The following BPTF variants were observed in gnomAD, a reference collection of about 807,000 sequenced individuals.
The protein encoded by BPTF is bromodomain PHD finger transcription factor.
Under a neutral mutation model 292.5 loss-of-function variants are expected in BPTF, and 18 were observed. The observed-to-expected ratio is 0.06, with a 90% CI of 0.04 to 0.09. The LOEUF is 0.09. BPTF is among the 10% of genes least tolerant of loss of function. The probability of loss-of-function intolerance (pLI) is 1.00; values close to 1 mark genes in which losing one functional copy is unlikely to be tolerated. For missense variants in BPTF, 2,726 were observed against 3,498.7 expected (o/e 0.78, Z 5.57); for synonymous variants, 1,225 against 1,251.9 (o/e 0.98, Z 0.45).
intron 1 of BPTF, among the ~76,000 whole-genome samples, chr17:67,839,662 A>G (rs1334536743): frequency 1.3e-5 from 2 of 152,202 alleles, no homozygotes; most frequent in African/African-American, 2.4e-5. Flanking sequence ...GCAGTCCCTT[A>G]TATGAGTGTA....
chr17:67,877,969 TTATAAA>T (rs1567961621), intron 4 of BPTF, among the ~76,000 whole-genome samples: 1 of 152,162 alleles, frequency 6.6e-6, no homozygotes, highest in Non-Finnish European at 1.5e-5. Flanking sequence ...GCAGTAAAGT[TTATAAA>T]TATTAAGTGA....
intron 1 of BPTF, among the ~76,000 whole-genome samples, chr17:67,839,187 T>TA (rs1567870364): frequency 6.6e-6 from 1 of 151,408 alleles, no homozygotes; most frequent in African/African-American, 2.5e-5. Context: ...AAAGCAATGT[T>TA]AAATGTTAGT....
chr17:67,826,207 CGAG>C lies in BPTF; in HGVS notation c.489_491del (p.Glu163del), dbSNP rs780487984. 4.4e-4 allele frequency: 709 copies of C among 1,612,528 alleles called. 11 individuals are homozygous for C. The Middle Eastern group carries it at 0.024, about 55-fold the overall frequency. On this transcript the variant is annotated inframe_deletion, in exon 1 of 28. Transcript: ENST00000306378. ...AGGAGACCCAGGATTCTGAGGACGA[CGAG>C]GAGGATGAGATGGAAGAGGACGACG... is the stretch of plus-strand genomic sequence containing the variant.
intron 3 of BPTF, among the ~76,000 whole-genome samples, chr17:67,870,522 G>C (rs1041684498): frequency 2.0e-5 from 3 of 151,948 alleles, no homozygotes; most frequent in African/African-American, 7.2e-5. Context: ...ACCTTTATTT[G>C]TTCTCTCTGG....
chr17:67,919,833 A>G (rs566308634), intron 12 of BPTF, among the ~76,000 whole-genome samples, 182 bp from the exon 13 acceptor site: 1 of 152,326 alleles, frequency 6.6e-6, no homozygotes, highest in Admixed American at 6.5e-5. Context: ...GCAGCGAGGA[A>G]GAAGCTCAGT....
chr17:67,880,385 AGTTTT>A (rs1339307344), intron 4 of BPTF, among the ~76,000 whole-genome samples: 2 of 151,664 alleles, frequency 1.3e-5, no homozygotes, highest in Non-Finnish European at 2.9e-5. Flanking sequence ...TTTGTAGTTT[AGTTTT>A]GTTTTTTTAT....
rs2064104608 is a variant in BPTF, at chr17:67,928,509, A to C, written c.5906A>C (p.Lys1969Thr). 6.2e-7 allele frequency: 1 copy of C among 1,614,030 alleles called. No individual in the cohort carries two copies. The highest frequency in any genetic ancestry group is 1.3e-5 in the African/African-American group (1 of 74,914). ...GGAACCAAAATGGTACTAACTACTA[A>C]AGTTGGATCTCCAGCTACAGTAACA... Reference protein sequence around the residue: ...TTGTKMVLTTKVGSPATVTFQ... With the variant: ...TTGTKMVLTTTVGSPATVTFQ... Residue 1969 changes from lysine (K) to threonine (T), a missense_variant, in exon 16 of 28, where the codon AAA (lysine) becomes ACA (threonine). By Grantham distance (78) the Lys-to-Thr change is moderately conservative (BLOSUM62 -1). Coordinates refer to ENST00000306378, the MANE Select transcript of BPTF (RefSeq NM_182641.4).
chr17:67,942,446 A>G (rs1009254132), intron 19 of BPTF, among the ~76,000 whole-genome samples: 4 of 152,216 alleles, frequency 2.6e-5, no homozygotes, highest in Admixed American at 6.5e-5. Context: ...TGCTTAAGAG[A>G]TTGGTACAAA....
chr17:67,913,213 G>A, intron 11 of BPTF, 26 bp downstream of exon 11: 2 of 1,528,796 alleles, frequency 1.3e-6, no homozygotes, highest in Non-Finnish European at 1.8e-6. Context: ...TGTATTTGGG[G>A]GAGGGAGAAA....
chr17:67,948,381 A>G, intron 23 of BPTF, 75 bp downstream of exon 23: 1 of 1,317,208 alleles, frequency 7.6e-7, no homozygotes, highest in Non-Finnish European at 1.0e-6. Flanking sequence ...TTGCCTTTTT[A>G]ATAAAGCTTA....
At position 67,911,162 on chromosome 17, in the gene BPTF, A is replaced by G. The variant is rs34038380; in HGVS notation, c.3278A>G (p.Lys1093Arg). 0.018 allele frequency: 28,504 copies of G among 1,613,914 alleles called. 330 individuals carry two copies. Among genetic ancestry groups the G allele is most frequent in the Non-Finnish European group, 0.02 (23,040 of 1,179,994 alleles). Residue 1093 changes from lysine to arginine, a missense_variant, in exon 11 of 28, where the codon AAG (lysine) becomes AGG (arginine). Physicochemically the swap from Lys to Arg is conservative, Grantham distance 26. Coordinates refer to ENST00000306378, the MANE Select transcript of BPTF (RefSeq NM_182641.4). ...GAGGGTGGAATTAAGGGTATAGGAA[A>G]GACTTCTACAAATTCTTCAAAAAAT... ...KLEGGIKGIGKTSTNSSKNLS... is the reference protein window; with the variant it reads ...KLEGGIKGIGRTSTNSSKNLS...
At chr17:67,917,131 C>CTTTTCCTTTCTTTTTTTTTTTTTT (rs1194058584) in intron 11 of BPTF, among the ~76,000 whole-genome samples, 4 of 105,808 alleles carry the variant, frequency 3.8e-5, no homozygotes, top group African/African-American at 1.4e-4. Flanking sequence ...TGGTATTGTC[C>CTTTTCCTTTCTTTTTTTTTTTTTT]TTTTTTTTTT....
At chr17:67,888,460 T>G (rs151008626) in intron 4 of BPTF, among the ~76,000 whole-genome samples, 1 of 151,772 alleles carries the variant, frequency 6.6e-6, no homozygotes, top group Non-Finnish European at 1.5e-5. Flanking sequence ...CATGGTGGTG[T>G]GTGCCTGTAA....
intron 1 of BPTF, among the ~76,000 whole-genome samples, chr17:67,851,072 G>C (rs2058365705): frequency 6.6e-6 from 1 of 152,136 alleles, no homozygotes. Context: ...TTCATCACCA[G>C]ACTGGGAAGC....
intron 23 of BPTF, among the ~76,000 whole-genome samples, chr17:67,952,087 A>T (rs2148087822): frequency 6.7e-6 from 1 of 149,042 alleles, no homozygotes; most frequent in African/African-American, 2.4e-5. Context: ...ATTATTGCTA[A>T]GGTAATTTGC....
At chr17:67,917,135 T>TCCTTTC (rs1236355074) in intron 11 of BPTF, among the ~76,000 whole-genome samples, 2 of 118,196 alleles carry the variant, frequency 1.7e-5, no homozygotes, top group African/African-American at 1.3e-4. Flanking sequence ...ATTGTCCTTT[T>TCCTTTC]TTTTTTTTTT....
At chr17:67,889,955 T>C (rs2061003659) in intron 4 of BPTF, among the ~76,000 whole-genome samples, 1 of 152,194 alleles carries the variant, frequency 6.6e-6, no homozygotes, top group South Asian at 2.1e-4. Flanking sequence ...TTTTGACTTA[T>C]TATTTAAGGA....
At chr17:67,845,004 A>G (rs914132485) in intron 1 of BPTF, among the ~76,000 whole-genome samples, 2 of 152,114 alleles carry the variant, frequency 1.3e-5, no homozygotes, top group Non-Finnish European at 2.9e-5. Context: ...CAGCCTCCCA[A>G]AGTGCTGGGA....
intron 1 of BPTF, among the ~76,000 whole-genome samples, chr17:67,826,756 C>T (rs1360516557): frequency 6.6e-6 from 1 of 152,072 alleles, no homozygotes; most frequent in Non-Finnish European, 1.5e-5. Flanking sequence ...CTTTGCATTT[C>T]TAATGTGGTT....
Sources: allele counts gnomAD v4.1 joint callset (sites outside exome capture counted in the v4.1 genomes callset), GRCh38; gene constraint gnomAD v4.1.1; transcripts MANE v1.5; gene names NCBI Gene and HGNC (gene_info 2026-07-23, HGNC 2026-07-21).